The following MAP3K20 variants were observed in gnomAD, a reference collection of about 807,000 sequenced individuals.
The protein encoded by MAP3K20 is HCCS-4.
In MAP3K20, 40 loss-of-function variants were observed where a neutral mutation model predicts 85.7. The observed-to-expected ratio is 0.47, with a 90% confidence interval of 0.36 to 0.61. MAP3K20 has a LOEUF of 0.61. Ranked by LOEUF, MAP3K20 falls within the 20% of genes least tolerant of loss-of-function variation. The pLI is 0.00. For synonymous variants in MAP3K20, 325 were observed against 327.7 expected (o/e 0.99, Z 0.09); for missense variants, 817 against 961.7 (o/e 0.85, Z 1.99).
At chr2:173,227,045 C>T in intron 11 of MAP3K20, 1 of 985,832 alleles carries the variant, frequency 1.0e-6, no homozygotes, top group East Asian at 1.1e-4. Flanking sequence ...ACAGTGTATT[C>T]AGAAATCCAA....
intron 16 of MAP3K20, among the ~76,000 whole-genome samples, chr2:173,241,976 C>T (rs1195235393): frequency 6.6e-6 from 1 of 152,174 alleles, no homozygotes. Context: ...CCCTGAGATT[C>T]TGCAGCTGTG....
At chr2:173,238,519 T>A in intron 15 of MAP3K20, 84 bp downstream of exon 15, 3 of 1,248,854 alleles carry the variant, frequency 2.4e-6, no homozygotes, top group Non-Finnish European at 3.4e-6. Context: ...TTTGCCAATG[T>A]CAGTAATGGT....
At chr2:173,089,756 A>G in intron 1 of MAP3K20, among the ~76,000 whole-genome samples, 1 of 152,004 alleles carries the variant, frequency 6.6e-6, no homozygotes, top group Non-Finnish European at 1.5e-5. Flanking sequence ...TAATTTTTGT[A>G]TGCTTAGGGT....
intron 2 of MAP3K20, among the ~76,000 whole-genome samples, chr2:173,114,656 A>G (rs909321138): frequency 2.0e-5 from 3 of 152,280 alleles, no homozygotes; most frequent in Non-Finnish European, 4.4e-5. Context: ...TTTCCTTCAT[A>G]CATGTGCTTA....
At chr2:173,261,426 T>C (rs891428035) in intron 18 of MAP3K20, among the ~76,000 whole-genome samples, 2 of 152,222 alleles carry the variant, frequency 1.3e-5, no homozygotes, top group South Asian at 2.1e-4. Flanking sequence ...ATGTTTGGTA[T>C]TGGGGATACT....
chr2:173,107,210 T>G (rs1574018393), intron 2 of MAP3K20, among the ~76,000 whole-genome samples: 1 of 151,826 alleles, frequency 6.6e-6, no homozygotes, highest in Non-Finnish European at 1.5e-5. Flanking sequence ...TGTCTGGAGG[T>G]GGTAATGAGG....
At chr2:173,217,084 G>A in intron 10 of MAP3K20, 31 bp from the exon 11 acceptor site, 1 of 1,452,478 alleles carries the variant, frequency 6.9e-7, no homozygotes, top group South Asian at 1.6e-5. Flanking sequence ...CTTAAGTAAA[G>A]TTGAGACTTA....
intron 1 of MAP3K20, among the ~76,000 whole-genome samples, chr2:173,078,606 C>A (rs1354356820): frequency 6.6e-6 from 1 of 152,130 alleles, no homozygotes; most frequent in South Asian, 2.1e-4. Flanking sequence ...GCTGAAGCAT[C>A]GTCCTAATAG....
At chr2:173,149,380 C>T (rs75567178) in intron 2 of MAP3K20, among the ~76,000 whole-genome samples, 5,138 of 152,062 alleles carry the variant, frequency 0.034, 119 homozygotes, top group Admixed American at 0.054. Context: ...AATCCAAAGT[C>T]TGGAGCTTAG....
intron 2 of MAP3K20, among the ~76,000 whole-genome samples, chr2:173,167,918 G>A (rs1689882799): frequency 6.6e-6 from 1 of 152,066 alleles, no homozygotes; most frequent in South Asian, 2.1e-4. Flanking sequence ...CACTGCCTCA[G>A]TTTGACAAAT....
intron 2 of MAP3K20, among the ~76,000 whole-genome samples, chr2:173,157,813 T>C (rs1264568004): frequency 2.6e-5 from 4 of 152,244 alleles, no homozygotes; most frequent in Non-Finnish European, 5.9e-5. Context: ...GACCTGATTC[T>C]GCACAGTTGA....
At chr2:173,131,522 T>C (rs1688617370) in intron 2 of MAP3K20, among the ~76,000 whole-genome samples, 1 of 152,228 alleles carries the variant, frequency 6.6e-6, no homozygotes, top group African/African-American at 2.4e-5. Flanking sequence ...AATGAAAACA[T>C]GTTTGAAAAT....
rs57467815 is a variant in MAP3K20, at chr2:173,219,158, A to T, written c.987+1908A>T. ...CTCACATCAGTTTCTGTTTAGCTTT[A>T]ACTGAGATTTCTTAGAGAAAGATGA... On this transcript the variant is annotated intron_variant, in intron 11 of 19. Coordinates refer to ENST00000375213, the MANE Select transcript of MAP3K20 (RefSeq NM_016653.3). Among the ~76,000 whole-genome samples the T allele has an allele frequency of 9.3e-3, 1,421 of 152,310 alleles. 25 individuals carry two copies. Among genetic ancestry groups the T allele is most frequent in the African/African-American group, 0.03 (1,257 of 41,558 alleles).
At position 173,182,937 on chromosome 2, in the gene MAP3K20, G is replaced by A; in HGVS notation, c.331G>A (p.Ala111Thr). 2 of 1,609,062 alleles carry A rather than the reference G, an allele frequency of 1.2e-6. No individual in the cohort carries two copies. The highest frequency in any genetic ancestry group is 1.7e-6 in the Non-Finnish European group (2 of 1,177,974). ...EMDMDHIMTW[A>T]TDVAKGMHYL... Reference sequence around the variant, plus strand: ...GGATATGGATCACATTATGACCTGGGCCACTGATGTAGCCAAAGGTAATAA... The same window carrying A: ...GGATATGGATCACATTATGACCTGGACCACTGATGTAGCCAAAGGTAATAA... The change falls in exon 4 of 20, where the codon GCC becomes ACC. Residue 111 changes from alanine to threonine, a missense_variant. Physicochemically the swap from Ala to Thr is moderately conservative, Grantham distance 58. Coordinates refer to ENST00000375213, the MANE Select transcript of MAP3K20 (RefSeq NM_016653.3).
Position 173,230,585 on chromosome 2 carries a change from C to T in MAP3K20, c.1032+852C>T, listed in dbSNP as rs891014486. 8.1e-4 allele frequency among the ~76,000 whole-genome samples: 124 copies of T among 152,184 alleles called. 2 individuals carry two copies. Among genetic ancestry groups the T allele is most frequent in the Non-Finnish European group, 2.4e-4 (16 of 68,032 alleles). ...AGGCTGCACTCAGACTGTTGAAGTC[C>T]AAAAGAAGTCCTGCACTCTGCATTC... On this transcript the variant is annotated intron_variant, in intron 12 of 19. Transcript: ENST00000375213.
In MAP3K20 at chr2:173,198,337, C is replaced by A; in HGVS notation, c.669+225C>A. On this transcript the variant is annotated intron_variant, in intron 8 of 19. Coordinates refer to ENST00000375213, the MANE Select transcript of MAP3K20 (RefSeq NM_016653.3). This position sits in a 1 kb window ranked among gnomAD's most constrained non-coding sequence, Gnocchi z 5.8. ...GTGATGCTGTAGATCAAAAATTGTACAAGTACTGTACTAGTTTCTCAGTCT... is the reference window on the plus strand; with the variant it reads ...GTGATGCTGTAGATCAAAAATTGTAAAAGTACTGTACTAGTTTCTCAGTCT... 1 of 351,774 alleles carries A rather than the reference C, an allele frequency of 2.8e-6. No homozygotes were observed. Among genetic ancestry groups the A allele is most frequent in the Non-Finnish European group, 5.3e-6 (1 of 189,142 alleles). 21.8% of individuals were successfully genotyped at this position (351,774 alleles called of 1,614,324 possible).
chr2:173,243,687 G>A (rs530454605), intron 16 of MAP3K20, among the ~76,000 whole-genome samples: 1 of 152,122 alleles, frequency 6.6e-6, no homozygotes, highest in Non-Finnish European at 1.5e-5. Flanking sequence ...GCGCTATCTC[G>A]GCTCACTGCA....
chr2:173,082,354 C>A (rs1449964187), intron 1 of MAP3K20, among the ~76,000 whole-genome samples: 1 of 152,174 alleles, frequency 6.6e-6, no homozygotes, highest in African/African-American at 2.4e-5. Flanking sequence ...TCTTAGTCTT[C>A]CCTAGTTTTA....
chr2:173,179,469 G>C (rs1025789037), intron 3 of MAP3K20, among the ~76,000 whole-genome samples: 1 of 151,602 alleles, frequency 6.6e-6, no homozygotes. Flanking sequence ...CTGATAAAGA[G>C]CATCTACAAA....
Sources: gnomAD v4.1 joint callset for allele counts (sites outside exome capture counted in the v4.1 genomes callset) on GRCh38, gnomAD v4.1.1 for gene constraint, Gnocchi (gnomAD v3.1) non-coding constraint, MANE v1.5 for transcripts, NCBI Gene and HGNC (gene_info 2026-07-23, HGNC 2026-07-21) for gene names.